DNAH17: variants seen among roughly 807,000 people sequenced by gnomAD.
DNAH17 encodes dynein axonemal heavy chain 17.
In DNAH17, 376 loss-of-function variants were observed where a neutral mutation model predicts 485.6. The ratio of observed to expected loss-of-function variants is 0.77; its 90% CI spans 0.71 to 0.84. The LOEUF (loss-of-function observed/expected upper bound fraction) is 0.84. Ranked by LOEUF, DNAH17 falls within the 40% of genes least tolerant of loss-of-function variation. DNAH17 has a pLI of 0.00. For missense variants in DNAH17, 6,370 were observed against 5,839.3 expected (o/e 1.09, Z -2.96); for synonymous variants, 3,031 against 2,405.9 (o/e 1.26, Z -7.60).
In DNAH17 at chr17:78,518,648, G is replaced by C. The variant is rs77413027; in HGVS notation, c.3865-3626C>G. 5.4e-3 allele frequency among the ~76,000 whole-genome samples: 817 copies of C among 152,238 alleles called. 6 individuals are homozygous for C. Among genetic ancestry groups the C allele is most frequent in the African/African-American group, 0.018 (739 of 41,532 alleles). ...ACAGAACAACACAACCAACTGACAG[G>C]ATCTAATTGACACGTATAAAACACT... On this transcript the variant is annotated intron_variant, in intron 25 of 80. Transcript: ENST00000389840.
At position 78,526,810 on chromosome 17, in the gene DNAH17, T is replaced by C. The variant is rs898629510; in HGVS notation, c.3624+70A>G. 1.2e-4 allele frequency: 194 copies of C among 1,554,876 alleles called. No individual in the cohort carries two copies. In the African/African-American group the frequency reaches 2.5e-3, roughly 20 times the overall value. ...GCCCCAAGGGTGGCCCCACCCTGTA[T>C]GCCGCAGGGCCCTGGGTGAGCCCCA... On this transcript the variant is annotated intron_variant, in intron 23 of 80. Coordinates refer to ENST00000389840, the MANE Select transcript of DNAH17 (RefSeq NM_173628.4).
intron 16 of DNAH17, 147 bp from the exon 17 acceptor site, chr17:78,544,144 G>A (rs1441490876): frequency 8.3e-6 from 10 of 1,198,934 alleles, no homozygotes; most frequent in African/African-American, 3.1e-5. Flanking sequence ...ATGCCCATCA[G>A]GGGCTACTAA....
intron 54 of DNAH17, chr17:78,472,604 C>T: frequency 2.6e-6 from 1 of 379,082 alleles, no homozygotes. Context: ...TAAAAACTCC[C>T]CACCGCCTGG....
intron 35 of DNAH17, 72 bp downstream of exon 35, chr17:78,501,112 C>G: frequency 6.8e-7 from 1 of 1,474,642 alleles, no homozygotes; most frequent in African/African-American, 1.4e-5. Flanking sequence ...ACCTCCAAGT[C>G]GGACAGTTCC....
chr17:78,459,177 C>T lies in DNAH17; in HGVS notation c.9685G>A (p.Glu3229Lys), dbSNP rs372631916. The T allele has an allele frequency of 7.4e-6, 12 of 1,613,764 alleles. No individual in the cohort carries two copies. The highest frequency in any genetic ancestry group is 5.0e-5 in the Admixed American group (3 of 60,006). Reference sequence around the variant, plus strand: ...GCCGTGGACTTGGAGCGGATGAACTCGGGGTCGAACGTCGGGTTGCCTTGG... The same window carrying T: ...GCCGTGGACTTGGAGCGGATGAACTTGGGGTCGAACGTCGGGTTGCCTTGG... ...PYQGNPTFDP[E>K]FIRSKSTAAA... is the part of the protein sequence containing the mutation. Residue 3229 changes from glutamate to lysine, a missense_variant, in exon 61 of 81, where the codon GAG becomes AAG. Physicochemically the swap from Glu to Lys is moderately conservative, Grantham distance 56. Transcript: ENST00000389840.
intron 37 of DNAH17, among the ~76,000 whole-genome samples, chr17:78,497,868 C>A (rs972070230): frequency 6.6e-6 from 1 of 152,148 alleles, no homozygotes; most frequent in Non-Finnish European, 1.5e-5. Flanking sequence ...CTCAGCCGGG[C>A]ACAACGGCTC....
In DNAH17 at chr17:78,501,961, G is replaced by A. The variant is rs370687791; in HGVS notation, c.5191-88C>T. The A allele has an allele frequency of 7.3e-4, 1,129 of 1,552,152 alleles. 4 individuals carry two copies. In the African/African-American group the frequency reaches 0.013, roughly 18 times the overall value. ...GGCTGGGTGCCCACAGCTGCATAGG[G>A]AACACCACCATGCTTTTGTTTACAG... On this transcript the variant is annotated intron_variant, in intron 33 of 80. Coordinates refer to ENST00000389840, the MANE Select transcript of DNAH17 (RefSeq NM_173628.4).
intron 56 of DNAH17, 124 bp downstream of exon 56, chr17:78,466,531 C>T (rs2088466676): frequency 5.9e-6 from 5 of 852,724 alleles, no homozygotes; most frequent in Non-Finnish European, 8.0e-6. Flanking sequence ...ACGTTGAGCC[C>T]AAGGCGGACG....
At chr17:78,462,045 G>A (rs1390996482) in intron 57 of DNAH17, among the ~76,000 whole-genome samples, 3 of 151,980 alleles carry the variant, frequency 2.0e-5, no homozygotes, top group South Asian at 2.1e-4. Flanking sequence ...GGTGGCCTGT[G>A]CCCATGGTCC....
chr17:78,523,895 C>A (rs1408316087), intron 25 of DNAH17, among the ~76,000 whole-genome samples: 1 of 152,212 alleles, frequency 6.6e-6, no homozygotes, highest in Admixed American at 6.5e-5. Context: ...GGCAACAGAG[C>A]AGGACCTTGT....
In DNAH17 at chr17:78,566,966, G is replaced by C. The variant is rs1328671470; in HGVS notation, c.1452+33C>G. 1.9e-6 allele frequency: 3 copies of C among 1,588,372 alleles called. No individual in the cohort carries two copies. The African/African-American group carries it at 4.1e-5, about 21-fold the overall frequency. ...CCGAGGCTGGTGCTGTTCTCACCGAGTCCAGTTCATCCAACCCTGCCCGAG... is the reference window on the plus strand; with the variant it reads ...CCGAGGCTGGTGCTGTTCTCACCGACTCCAGTTCATCCAACCCTGCCCGAG... On this transcript the variant is annotated intron_variant, in intron 10 of 80. Transcript: ENST00000389840.
rs746892324 is a variant in DNAH17, at chr17:78,424,035, G to A, written c.13260C>T (p.Asn4420=). Residue 4420 remains asparagine, a synonymous_variant, in exon 81 of 81, where the codon AAC becomes AAT. Transcript: ENST00000389840. ...TTTTGTACACGGGACACTCATAGAT[G>A]TTCTTGGTCTCCATGCGGTCCACAG... ...AIPVDRMETK[N]IYECPVYKTR... is the part of the protein sequence containing the mutation. 1 of 1,614,030 alleles carries A rather than the reference G, an allele frequency of 6.2e-7. No individual in the cohort carries two copies. The highest frequency in any genetic ancestry group is 2.2e-5 in the East Asian group (1 of 44,892).
At chr17:78,450,952 C>G (rs375469689) in intron 66 of DNAH17, 106 bp from the exon 67 acceptor site, 1 of 1,412,218 alleles carries the variant, frequency 7.1e-7, no homozygotes, top group East Asian at 2.3e-5. Context: ...AGGCTTTGAG[C>G]GGGAGGAACG....
chr17:78,555,343 T>TA (rs2091996227), intron 14 of DNAH17, among the ~76,000 whole-genome samples: 2 of 151,986 alleles, frequency 1.3e-5, no homozygotes, highest in South Asian at 4.1e-4. Context: ...CACACCTCTT[T>TA]AGTGTGCTCG....
intron 31 of DNAH17, among the ~76,000 whole-genome samples, chr17:78,504,734 C>T (rs1176480358): frequency 6.6e-6 from 1 of 152,108 alleles, no homozygotes; most frequent in African/African-American, 2.4e-5. Flanking sequence ...GACGCGCTTG[C>T]TGGGGAAGGA....
chr17:78,438,814 A>T (rs566806569), intron 73 of DNAH17, among the ~76,000 whole-genome samples: 2 of 152,020 alleles, frequency 1.3e-5, no homozygotes, highest in Admixed American at 1.3e-4. Flanking sequence ...TTGTTTAAAT[A>T]ATCTCTGTTT....
At chr17:78,553,547 C>A (rs1198304428) in intron 14 of DNAH17, among the ~76,000 whole-genome samples, 2 of 151,866 alleles carry the variant, frequency 1.3e-5, no homozygotes, top group East Asian at 3.9e-4. Flanking sequence ...AATGATCCAC[C>A]CACCTTGGCC....
chr17:78,466,604 T>C lies in DNAH17; in HGVS notation c.8940+51A>G, dbSNP rs1052013950. The C allele has an allele frequency of 1.4e-5, 22 of 1,539,786 alleles. No homozygotes were observed. The African/African-American group carries it at 1.8e-4, about 13-fold the overall frequency. ...CCCAGGGAGCCAGCCCTTGGGCCTG[T>C]CCTTGTCCTCTGGGCTCTACACTCA... is the stretch of plus-strand genomic sequence containing the variant. On this transcript the variant is annotated intron_variant, in intron 56 of 80. Coordinates refer to ENST00000389840, the MANE Select transcript of DNAH17 (RefSeq NM_173628.4).
At chr17:78,442,492 T>G (rs561514211) in intron 71 of DNAH17, among the ~76,000 whole-genome samples, 3 of 152,244 alleles carry the variant, frequency 2.0e-5, no homozygotes, top group Non-Finnish European at 4.4e-5. Context: ...GATGCTGTGA[T>G]CCTTGTCTAG....
Sources: gnomAD v4.1 joint callset for allele counts (sites outside exome capture counted in the v4.1 genomes callset) on GRCh38, gnomAD v4.1.1 for gene constraint, MANE v1.5 for transcripts, NCBI Gene and HGNC (gene_info 2026-07-23, HGNC 2026-07-21) for gene names.